KIAA1328: variants seen among roughly 807,000 people sequenced by gnomAD.
KIAA1328 encodes the protein protein hinderin.
A neutral mutation model predicts 68.1 loss-of-function variants in KIAA1328; 52 were observed. The ratio of observed to expected loss-of-function variants is 0.76; its 90% confidence interval spans 0.61 to 0.96. The LOEUF (loss-of-function observed/expected upper bound fraction) is 0.96. Among genes scored for constraint, KIAA1328 ranks in the 40% least tolerant of loss-of-function variants. The probability of loss-of-function intolerance (pLI) is 0.00; values close to 1 mark genes in which losing one functional copy is unlikely to be tolerated. For missense variants in KIAA1328, 641 were observed against 677.6 expected, an observed-to-expected ratio of 0.95 and a Z score of 0.60; for synonymous variants, 232 against 239.4, an observed-to-expected ratio of 0.97 and a Z score of 0.28.
chr18:37,045,201 T>G (rs556176152), intron 6 of KIAA1328, among the ~76,000 whole-genome samples: 32 of 152,298 alleles, frequency 2.1e-4, no homozygotes, highest in African/African-American at 7.5e-4. Context: ...AATGGAAAAT[T>G]TAATCCAACG....
At chr18:36,900,412 A>T (rs951743599) in intron 5 of KIAA1328, among the ~76,000 whole-genome samples, 1 of 151,894 alleles carries the variant, frequency 6.6e-6, no homozygotes, top group Non-Finnish European at 1.5e-5. Context: ...TATGTGTCCC[A>T]TTTTCATTAA....
Position 37,092,728 on chromosome 18 carries a change from C to A in KIAA1328, c.1232+25183C>A, listed in dbSNP as rs111770610. On this transcript the variant is annotated intron_variant, in intron 7 of 9. Transcript: ENST00000280020. The stretch of plus-strand genomic sequence containing the variant: ...AAGGACTGGCCTGCTCAGCCCATCA[C>A]TGACACCAGTGGCTATTGGACACAA... Among the ~76,000 whole-genome samples, 928 of 152,294 alleles carry A rather than the reference C, an allele frequency of 6.1e-3. 11 individuals are homozygous for A. The highest frequency in any genetic ancestry group is 0.021 in the African/African-American group (881 of 41,564).
chr18:37,018,506 T>G (rs964143634), intron 6 of KIAA1328, among the ~76,000 whole-genome samples: 2 of 152,240 alleles, frequency 1.3e-5, no homozygotes, highest in African/African-American at 4.8e-5. Flanking sequence ...CATGTCTACC[T>G]TTCTGGCATA....
Position 37,178,995 on chromosome 18 carries a change from T to A in KIAA1328, c.1523+5914T>A, listed in dbSNP as rs184708682. Reference sequence around the variant, plus strand: ...TAGTAACTTCTTATCAGATGGATAGTTTGCAAGTGTTTTCTCCCATTCTGC... The same window carrying A: ...TAGTAACTTCTTATCAGATGGATAGATTGCAAGTGTTTTCTCCCATTCTGC... On this transcript the variant is annotated intron_variant, in intron 9 of 9. Coordinates refer to ENST00000280020, the MANE Select transcript of KIAA1328 (RefSeq NM_020776.3). 2.7e-4 allele frequency among the ~76,000 whole-genome samples: 41 copies of A among 152,314 alleles called. 1 individual carries two copies. The highest frequency in any genetic ancestry group is 2.6e-3 in the Admixed American group (39 of 15,290).
At chr18:37,221,875 A>C (rs1291654529) in intron 9 of KIAA1328, 142 bp from the exon 10 acceptor site, 18 of 820,526 alleles carry the variant, frequency 2.2e-5, no homozygotes, top group Non-Finnish European at 3.4e-5. Context: ...TTACCTTCAC[A>C]AAAATTCCCT....
intron 7 of KIAA1328, among the ~76,000 whole-genome samples, chr18:37,080,767 G>A (rs971408856): frequency 2.0e-5 from 3 of 149,432 alleles, no homozygotes; most frequent in African/African-American, 4.9e-5. Flanking sequence ...GTGACAGAGC[G>A]AGACTCTGTC....
intron 3 of KIAA1328, among the ~76,000 whole-genome samples, chr18:36,841,199 G>T (rs997256477): frequency 6.6e-6 from 1 of 152,030 alleles, no homozygotes; most frequent in African/African-American, 2.4e-5. Flanking sequence ...TTGGCAACTG[G>T]AGGCTGTTAG....
intron 7 of KIAA1328, among the ~76,000 whole-genome samples, chr18:37,146,458 T>A (rs565652263): frequency 6.6e-6 from 1 of 152,346 alleles, no homozygotes; most frequent in African/African-American, 2.4e-5. Flanking sequence ...CTGTGGTATA[T>A]ATGTACCACA....
chr18:37,149,538 AC>A (rs1328798032), intron 7 of KIAA1328, among the ~76,000 whole-genome samples: 1 of 152,174 alleles, frequency 6.6e-6, no homozygotes, highest in Non-Finnish European at 1.5e-5. Context: ...TACAACAAAA[AC>A]AAAAATTGAC....
rs1222636893 is a variant in KIAA1328, at chr18:37,224,675, G to T, written c.*2448G>T. 13 of 985,274 alleles carry T rather than the reference G, an allele frequency of 1.3e-5. No homozygotes were observed. The highest frequency in any genetic ancestry group is 1.6e-5 in the Non-Finnish European group (13 of 829,938). The allele number at this position is 985,274 out of a possible 1,614,324, so 61.0% of individuals were successfully genotyped here. On this transcript the variant is annotated 3_prime_UTR_variant, in exon 10 of 10. Transcript: ENST00000280020. ...TGTTGCAGACTATCCCAAGAGAAAG[G>T]ATCTGGCACAAAGGAATCTGCCTTT...
chr18:36,994,111 G>C (rs1321232926), intron 6 of KIAA1328, among the ~76,000 whole-genome samples: 1 of 152,096 alleles, frequency 6.6e-6, no homozygotes, highest in Non-Finnish European at 1.5e-5. Flanking sequence ...TTTATACCCT[G>C]TAGTAGTTTA....
At chr18:36,946,760 C>T (rs557834328) in intron 5 of KIAA1328, among the ~76,000 whole-genome samples, 2 of 152,180 alleles carry the variant, frequency 1.3e-5, no homozygotes, top group South Asian at 2.1e-4. Context: ...AGAGGTTATA[C>T]TGAGCTATTC....
At chr18:36,877,367 G>A (rs540796357) in intron 4 of KIAA1328, among the ~76,000 whole-genome samples, 13 of 152,198 alleles carry the variant, frequency 8.5e-5, no homozygotes, top group African/African-American at 3.1e-4. Context: ...TGTATTGGGT[G>A]CATATATATT....
At chr18:36,849,767 G>A (rs1047884302) in intron 4 of KIAA1328, among the ~76,000 whole-genome samples, 2 of 151,990 alleles carry the variant, frequency 1.3e-5, no homozygotes, top group African/African-American at 4.8e-5. Context: ...ATTCCACGTT[G>A]AACTTTTTGA....
chr18:37,178,653 A>G (rs2059640616), intron 9 of KIAA1328, among the ~76,000 whole-genome samples: 1 of 152,082 alleles, frequency 6.6e-6, no homozygotes, highest in Non-Finnish European at 1.5e-5. Flanking sequence ...TTTGAGGAGC[A>G]TCCATACTAT....
chr18:37,030,163 G>T, intron 6 of KIAA1328, among the ~76,000 whole-genome samples: 1 of 149,824 alleles, frequency 6.7e-6, no homozygotes, highest in Non-Finnish European at 1.5e-5. Flanking sequence ...TTTCTTTTCT[G>T]TTTCATTTGT....
At chr18:37,176,770 A>G (rs2059604585) in intron 9 of KIAA1328, among the ~76,000 whole-genome samples, 1 of 152,224 alleles carries the variant, frequency 6.6e-6, no homozygotes, top group African/African-American at 2.4e-5. Flanking sequence ...TACCAAGTCT[A>G]CTTGATCCTT....
At chr18:37,039,273 G>C (rs1445247322) in intron 6 of KIAA1328, among the ~76,000 whole-genome samples, 1 of 151,918 alleles carries the variant, frequency 6.6e-6, no homozygotes, top group East Asian at 1.9e-4. Flanking sequence ...ATTTGTGAAT[G>C]ATTATTATTG....
At chr18:37,114,125 C>A (rs1425988450) in intron 7 of KIAA1328, among the ~76,000 whole-genome samples, 1 of 152,138 alleles carries the variant, frequency 6.6e-6, no homozygotes, top group Non-Finnish European at 1.5e-5. Flanking sequence ...ACGAGGATAT[C>A]CAGGAATTGA....
Sources: allele counts gnomAD v4.1 joint callset (sites outside exome capture counted in the v4.1 genomes callset), GRCh38; gene constraint gnomAD v4.1.1; transcripts MANE v1.5; gene names NCBI Gene and HGNC (gene_info 2026-07-23, HGNC 2026-07-21).